The following WIF1 variants were observed in gnomAD, a reference collection of about 807,000 sequenced individuals.
The protein encoded by WIF1 is Wnt inhibitory factor 1.
WIF1 carries 35 observed loss-of-function variants against 53.5 expected under a neutral mutation model. That is an observed-to-expected ratio of 0.65 (90% CI 0.50 to 0.87). The LOEUF (loss-of-function observed/expected upper bound fraction) is 0.87, where lower values mean the gene tolerates loss of function less well. Among genes scored for constraint, WIF1 ranks in the 40% least tolerant of loss-of-function variants. The pLI is 0.00. For missense variants in WIF1, 467 were observed against 476.8 expected (o/e 0.98, Z 0.19); for synonymous variants, 171 against 170.4 (o/e 1.00, Z -0.03).
At chr12:65,097,000 G>A (rs1187942619) in intron 2 of WIF1, among the ~76,000 whole-genome samples, 2 of 146,216 alleles carry the variant, frequency 1.4e-5, no homozygotes, top group Non-Finnish European at 1.5e-5. Flanking sequence ...TGCACGTTCT[G>A]CACATGTATC....
chr12:65,072,397 T>G (rs1310594263), intron 3 of WIF1, among the ~76,000 whole-genome samples: 2 of 152,218 alleles, frequency 1.3e-5, no homozygotes, highest in African/African-American at 4.8e-5. Flanking sequence ...AACACCTATA[T>G]ATATTATTTC....
intron 4 of WIF1, 103 bp downstream of exon 4, chr12:65,068,649 ATGTGTGTGTGTG>A (rs10590995): frequency 0.027 from 26,022 of 961,492 alleles, 65 homozygotes; most frequent in South Asian, 0.035. Context: ...CCAAAAAACC[ATGTGTGTGTGTG>A]TGTGTGTGTG....
chr12:65,110,570 G>T (rs973918102), intron 2 of WIF1, among the ~76,000 whole-genome samples: 1 of 152,186 alleles, frequency 6.6e-6, no homozygotes. Flanking sequence ...GATCCTAGCT[G>T]CCCAGGTTTA....
intron 5 of WIF1, 99 bp downstream of exon 5, chr12:65,067,596 A>G: frequency 7.9e-7 from 1 of 1,261,952 alleles, no homozygotes; most frequent in Non-Finnish European, 1.1e-6. Flanking sequence ...GACCAGGAAA[A>G]TAATTTCAGG....
At chr12:65,100,672 T>C (rs2136635355) in intron 2 of WIF1, among the ~76,000 whole-genome samples, 1 of 152,212 alleles carries the variant, frequency 6.6e-6, no homozygotes, top group African/African-American at 2.4e-5. Context: ...TTCTTCACAG[T>C]GTTACTTGTA....
intron 9 of WIF1, among the ~76,000 whole-genome samples, chr12:65,053,897 T>G (rs1251316051): frequency 6.6e-6 from 1 of 151,466 alleles, no homozygotes; most frequent in Non-Finnish European, 1.5e-5. Flanking sequence ...ATTTAAAAAC[T>G]AGTATATTCT....
chr12:65,093,202 G>C (rs1249594564), intron 2 of WIF1, among the ~76,000 whole-genome samples: 4 of 152,118 alleles, frequency 2.6e-5, no homozygotes, highest in Non-Finnish European at 1.5e-5. Flanking sequence ...AGAGAAAGTA[G>C]CCTAGTGGTA....
chr12:65,110,569 T>C (rs768290253), intron 2 of WIF1, among the ~76,000 whole-genome samples: 18 of 152,236 alleles, frequency 1.2e-4, no homozygotes, highest in African/African-American at 1.7e-4. Flanking sequence ...GGATCCTAGC[T>C]GCCCAGGTTT....
intron 9 of WIF1, 93 bp downstream of exon 9, chr12:65,055,025 C>T (rs769088896): frequency 1.4e-4 from 186 of 1,311,804 alleles, no homozygotes; most frequent in Non-Finnish European, 1.9e-4. Context: ...AGCCAAGAAA[C>T]CGAAGTGAAA....
At chr12:65,064,134 G>T (rs1882653427) in intron 6 of WIF1, among the ~76,000 whole-genome samples, 7 of 152,214 alleles carry the variant, frequency 4.6e-5, no homozygotes, top group South Asian at 2.1e-4. Flanking sequence ...CAGTGCCCTG[G>T]AAAACTTTGG....
Position 65,067,597 on chromosome 12 carries a change from T to C in WIF1, c.634+98A>G, listed in dbSNP as rs1197544231. Reference sequence around the variant, plus strand: ...TTTTCTGCCCCTGTGACCAGGAAAATAATTTCAGGTGTTAAAAATACACAA... The same window carrying C: ...TTTTCTGCCCCTGTGACCAGGAAAACAATTTCAGGTGTTAAAAATACACAA... On this transcript the variant is annotated intron_variant, in intron 5 of 9. Coordinates refer to ENST00000286574, the MANE Select transcript of WIF1 (RefSeq NM_007191.5). 5 of 1,262,462 alleles carry C rather than the reference T, an allele frequency of 4.0e-6. 1 individual carries two copies. The South Asian group carries it at 4.0e-5, about 10-fold the overall frequency. The allele number at this position is 1,262,462 out of a possible 1,614,324, so 78.2% of individuals were successfully genotyped here.
Position 65,068,850 on chromosome 12 carries a change from T to G in WIF1, c.452A>C (p.Glu151Ala), listed in dbSNP as rs762343849. The change falls in exon 4 of 10, where the codon GAA (glutamate) becomes GCA (alanine). Residue 151 changes from glutamate (E) to alanine (A), a missense_variant. Coordinates refer to ENST00000286574, the MANE Select transcript of WIF1 (RefSeq NM_007191.5). ...LGKQDGVAAFEVDVIVMNSEG... is the reference protein window; with the variant it reads ...LGKQDGVAAFAVDVIVMNSEG... ...AGAATTCATAACAATCACATCCACT[T>G]CAAATGCTGCCACCCCATCCTGTTT... is the stretch of plus-strand genomic sequence containing the variant. 3.7e-6 allele frequency: 6 copies of G among 1,613,578 alleles called. No individual in the cohort carries two copies. Among genetic ancestry groups the G allele is most frequent in the Non-Finnish European group, 5.1e-6 (6 of 1,179,746 alleles).
At chr12:65,096,434 A>C (rs1883206156) in intron 2 of WIF1, among the ~76,000 whole-genome samples, 1 of 152,198 alleles carries the variant, frequency 6.6e-6, no homozygotes, top group Admixed American at 6.5e-5. Context: ...AAATTAGTTC[A>C]ACCATTGTGG....
intron 7 of WIF1, among the ~76,000 whole-genome samples, chr12:65,059,080 G>A (rs921165710): frequency 1.3e-5 from 2 of 151,494 alleles, no homozygotes; most frequent in Admixed American, 6.6e-5. Context: ...AATAGACTAA[G>A]CCCTGTCTAA....
intron 2 of WIF1, among the ~76,000 whole-genome samples, chr12:65,097,861 G>A (rs1004908344): frequency 1.3e-5 from 2 of 152,080 alleles, no homozygotes; most frequent in Non-Finnish European, 2.9e-5. Context: ...ATATCACTTC[G>A]TGTGATAGGA....
intron 2 of WIF1, among the ~76,000 whole-genome samples, chr12:65,085,594 G>A (rs531420247): frequency 2.4e-4 from 36 of 152,306 alleles, no homozygotes; most frequent in African/African-American, 5.1e-4. Context: ...CTCATGCAGC[G>A]TAGCTATTTA....
intron 2 of WIF1, among the ~76,000 whole-genome samples, chr12:65,090,343 A>G (rs916030817): frequency 3.9e-5 from 6 of 152,186 alleles, no homozygotes; most frequent in African/African-American, 1.4e-4. Context: ...TTAGCCTTAC[A>G]TTCATTCAAC....
intron 2 of WIF1, among the ~76,000 whole-genome samples, chr12:65,109,444 C>T (rs964654636): frequency 3.3e-5 from 5 of 152,178 alleles, no homozygotes; most frequent in African/African-American, 1.2e-4. Context: ...GAGGTATGGG[C>T]TGGATTTCAG....
At position 65,053,380 on chromosome 12, in the gene WIF1, G is replaced by A. The variant is rs115991916; in HGVS notation, c.1018+1738C>T. 5.7e-3 allele frequency among the ~76,000 whole-genome samples: 875 copies of A among 152,174 alleles called. 10 individuals are homozygous for A. Among genetic ancestry groups the A allele is most frequent in the African/African-American group, 0.02 (823 of 41,516 alleles). On this transcript the variant is annotated intron_variant, in intron 9 of 9. Transcript: ENST00000286574. Reference sequence around the variant, plus strand: ...TTGAATTGTAATCCCCATAATCCCCGTGTGTCAAGGGAGACACCAGGTGGA... The same window carrying A: ...TTGAATTGTAATCCCCATAATCCCCATGTGTCAAGGGAGACACCAGGTGGA...
Sources: gnomAD v4.1 joint callset for allele counts (sites outside exome capture counted in the v4.1 genomes callset) on GRCh38, gnomAD v4.1.1 for gene constraint, MANE v1.5 for transcripts, NCBI Gene and HGNC (gene_info 2026-07-23, HGNC 2026-07-21) for gene names.